EPB41L3: variants seen among roughly 807,000 people sequenced by gnomAD.
EPB41L3 encodes the protein band 4.1-like protein 3.
In EPB41L3, 57 loss-of-function variants were observed where a neutral mutation model predicts 127.1. The ratio of observed to expected loss-of-function variants is 0.45; its 90% confidence interval spans 0.36 to 0.56. The LOEUF is 0.56. EPB41L3 is among the 20% of genes least tolerant of loss of function. The probability of loss-of-function intolerance (pLI) is 0.00; values close to 1 mark genes in which losing one functional copy is unlikely to be tolerated. For synonymous variants in EPB41L3, 572 were observed against 549.5 expected (o/e 1.04, Z -0.57); for missense variants, 1,273 against 1,372.2 (o/e 0.93, Z 1.14).
At chr18:5,415,074 T>C (rs1252669141) in intron 13 of EPB41L3, among the ~76,000 whole-genome samples, 3 of 152,236 alleles carry the variant, frequency 2.0e-5, no homozygotes, top group Non-Finnish European at 2.9e-5. Context: ...TTGGCATTGC[T>C]AGCATGGTGA....
At chr18:5,425,764 A>G (rs2078089366) in intron 9 of EPB41L3, among the ~76,000 whole-genome samples, 1 of 152,176 alleles carries the variant, frequency 6.6e-6, no homozygotes, top group Non-Finnish European at 1.5e-5. Flanking sequence ...GCTCTCTCTG[A>G]GCCTGCTTAT....
chr18:5,590,139 C>A (rs2094473199), intron 3 of EPB41L3, among the ~76,000 whole-genome samples: 1 of 152,122 alleles, frequency 6.6e-6, no homozygotes, highest in Admixed American at 6.5e-5. Flanking sequence ...TTTGAAGCGG[C>A]CTCTGATCCT....
upstream of EPB41L3, chr18:5,630,614 C>A (rs560368709): frequency 4.3e-6 from 2 of 467,866 alleles, no homozygotes; most frequent in African/African-American, 4.1e-5. Context: ...CCCGCAGCTG[C>A]GGTGGCGGCA....
At chr18:5,480,347 G>A (rs1319010327) in intron 2 of EPB41L3, among the ~76,000 whole-genome samples, 2 of 152,148 alleles carry the variant, frequency 1.3e-5, no homozygotes, top group African/African-American at 4.8e-5. Flanking sequence ...ATAGTCATAT[G>A]ATGCGTTCTA....
In EPB41L3 at chr18:5,433,938, C is replaced by A. The variant is rs540844578; in HGVS notation, c.789G>T (p.Leu263=). 1 of 1,614,182 alleles carries A rather than the reference C, an allele frequency of 6.2e-7. No individual in the cohort carries two copies. The highest frequency in any genetic ancestry group is 1.7e-5 in the Admixed American group (1 of 60,020). The change falls in exon 7 of 23, where the codon CTG becomes CTT. Residue 263 remains leucine (L), a synonymous_variant. Coordinates refer to ENST00000341928, the MANE Select transcript of EPB41L3 (RefSeq NM_012307.5). ...FRFAPNHTKE[L]EDKVIELHKS... is the part of the protein sequence containing the mutation. ...TGTGCAGCTCGATCACTTTGTCTTC[C>A]AGTTCTTTAGTGTGGTTTGGTGCAA...
chr18:5,406,243 A>C (rs1232280279), intron 16 of EPB41L3, among the ~76,000 whole-genome samples: 2 of 152,134 alleles, frequency 1.3e-5, no homozygotes, highest in Non-Finnish European at 2.9e-5. Context: ...ACAGCAAGAC[A>C]CTGTCTTAAA....
upstream of EPB41L3, among the ~76,000 whole-genome samples, chr18:5,545,618 G>A (rs941805948): frequency 6.6e-6 from 1 of 152,198 alleles, no homozygotes; most frequent in Non-Finnish European, 1.5e-5. Context: ...CTTAAGTAAT[G>A]TTTTAAGAAA....
chr18:5,535,581 A>T (rs770540233), intron 1 of EPB41L3, among the ~76,000 whole-genome samples: 34 of 152,206 alleles, frequency 2.2e-4, no homozygotes, highest in Non-Finnish European at 3.8e-4. Flanking sequence ...AACTCTAGGA[A>T]AAAATTACGT....
intron 1 of EPB41L3, among the ~76,000 whole-genome samples, chr18:5,520,264 G>A (rs1218014645): frequency 6.6e-6 from 1 of 152,170 alleles, no homozygotes; most frequent in Admixed American, 6.5e-5. Flanking sequence ...CAAGCTGCCT[G>A]CTTCATTTTA....
intron 3 of EPB41L3, among the ~76,000 whole-genome samples, chr18:5,455,929 C>T (rs1260689019): frequency 1.3e-5 from 2 of 151,910 alleles, no homozygotes; most frequent in Non-Finnish European, 2.9e-5. Flanking sequence ...CAGACACGTA[C>T]TTAAACCTGA....
chr18:5,408,089 G>C (rs116202296), intron 14 of EPB41L3, among the ~76,000 whole-genome samples: 2 of 152,010 alleles, frequency 1.3e-5, no homozygotes, highest in Non-Finnish European at 2.9e-5. Flanking sequence ...AAATTTGTAA[G>C]AATAGCTATG....
At chr18:5,496,736 T>C (rs773152402) in intron 1 of EPB41L3, among the ~76,000 whole-genome samples, 6 of 152,242 alleles carry the variant, frequency 3.9e-5, no homozygotes, top group Non-Finnish European at 8.8e-5. Flanking sequence ...AAGGCTTTTT[T>C]GCTTTATGTT....
chr18:5,419,081 T>C (rs971071595), intron 12 of EPB41L3, among the ~76,000 whole-genome samples: 1 of 152,222 alleles, frequency 6.6e-6, no homozygotes, highest in Non-Finnish European at 1.5e-5. Flanking sequence ...TGTTTAAAAA[T>C]GGTGTTAAAA....
chr18:5,600,828 G>T (rs1329792817), intron 3 of EPB41L3, among the ~76,000 whole-genome samples: 4 of 152,148 alleles, frequency 2.6e-5, no homozygotes, highest in African/African-American at 9.7e-5. Flanking sequence ...AGAGCTAGAA[G>T]GCCCTGAATT....
chr18:5,442,720 G>C (rs557146821), intron 5 of EPB41L3, among the ~76,000 whole-genome samples: 2 of 152,244 alleles, frequency 1.3e-5, no homozygotes, highest in African/African-American at 4.8e-5. Context: ...TAAAAACGTA[G>C]TTATTTTAAA....
chr18:5,609,572 T>C (rs2094702680), intron 3 of EPB41L3, among the ~76,000 whole-genome samples: 1 of 152,138 alleles, frequency 6.6e-6, no homozygotes, highest in South Asian at 2.1e-4. Flanking sequence ...CTATTTTGAG[T>C]TTTGACATCA....
At chr18:5,553,756 C>T (rs1017009518) in intron 3 of EPB41L3, among the ~76,000 whole-genome samples, 2 of 152,212 alleles carry the variant, frequency 1.3e-5, no homozygotes, top group Non-Finnish European at 2.9e-5. Context: ...CCTGCAACAC[C>T]TCAGCACATC....
intron 3 of EPB41L3, among the ~76,000 whole-genome samples, chr18:5,550,646 C>A (rs1028363084): frequency 6.6e-6 from 1 of 152,130 alleles, no homozygotes; most frequent in Admixed American, 6.5e-5. Context: ...CAGATGACAT[C>A]TGTTAGTAAT....
intron 16 of EPB41L3, chr18:5,399,950 A>G (rs2074225690): frequency 6.6e-6 from 1 of 152,230 alleles, no homozygotes; most frequent in South Asian, 2.1e-4. Flanking sequence ...GTAATGAAAT[A>G]TTTCCCACAA....
Sources: allele counts gnomAD v4.1 joint callset (sites outside exome capture counted in the v4.1 genomes callset), GRCh38; gene constraint gnomAD v4.1.1; transcripts MANE v1.5; gene names NCBI Gene and HGNC (gene_info 2026-07-23, HGNC 2026-07-21).